Variants in PABPC4L observed in about 807,000 individuals in gnomAD.
PABPC4L encodes the protein poly(A) binding protein cytoplasmic 4 like.
For synonymous variants in PABPC4L, 169 were observed against 164.1 expected (o/e 1.03, Z -0.23); for missense variants, 452 against 451.4 (o/e 1.00, Z -0.01).
At chr4:134,044,184 G>C in the PABPC4L span, among the ~76,000 whole-genome samples, 2 of 151,884 alleles carry the variant, frequency 1.3e-5, no homozygotes, top group Non-Finnish European at 2.9e-5. Flanking sequence ...ACCTGCCTTG[G>C]GCCTCCCAAA....
the PABPC4L span, among the ~76,000 whole-genome samples, chr4:134,092,632 C>T: frequency 6.6e-6 from 1 of 151,996 alleles, no homozygotes; most frequent in African/African-American, 2.4e-5. Context: ...CTCTAGAGGT[C>T]ACGGTCAACC....
the PABPC4L span, among the ~76,000 whole-genome samples, chr4:134,133,237 T>C: frequency 2.2e-5 from 3 of 137,118 alleles, no homozygotes; most frequent in Non-Finnish European, 4.6e-5. Flanking sequence ...AGATATTTAA[T>C]ATTACATAAT....
chr4:134,171,990 C>A, the PABPC4L span, among the ~76,000 whole-genome samples: 1 of 151,694 alleles, frequency 6.6e-6, no homozygotes, highest in Non-Finnish European at 1.5e-5. Flanking sequence ...ATGAGAATTA[C>A]AAACCAGTGC....
At chr4:134,087,547 TGCTGCAGACCA>T in the PABPC4L span, among the ~76,000 whole-genome samples, 1 of 152,166 alleles carries the variant, frequency 6.6e-6, no homozygotes, top group African/African-American at 2.4e-5. Context: ...ACACCAGTTG[TGCTGCAGACCA>T]GTGCAATGCA....
chr4:134,045,902 T>G, the PABPC4L span, among the ~76,000 whole-genome samples: 1 of 152,188 alleles, frequency 6.6e-6, no homozygotes, highest in Non-Finnish European at 1.5e-5. Context: ...ATCAGAAACA[T>G]TAATGTAGTA....
chr4:134,197,062 T>G lies in PABPC4L; in HGVS notation c.*2845A>C, dbSNP rs1729681674. On this transcript the variant is annotated 3_prime_UTR_variant, in exon 2 of 2. Transcript: ENST00000421491. The stretch of plus-strand genomic sequence containing the variant: ...TCCTAAATTAAGATGTAGACTAGAT[T>G]ATCCAGAACAAGATGTCAAGGCCAG... The G allele has an allele frequency of 6.6e-6, 1 of 151,776 alleles. No homozygotes were observed. The highest frequency in any genetic ancestry group is 2.1e-4 in the South Asian group (1 of 4,838). The allele number at this position is 151,776 out of a possible 1,614,324, so 9.4% of individuals were successfully genotyped here. A position where few individuals can be genotyped will look rare whatever the true frequency, so the allele number is the denominator to read the frequency against.
chr4:134,094,410 T>G, the PABPC4L span, among the ~76,000 whole-genome samples: 1 of 151,908 alleles, frequency 6.6e-6, no homozygotes, highest in Non-Finnish European at 1.5e-5. Flanking sequence ...TAAAGACACT[T>G]TAGCTGTAGT....
At chr4:134,161,247 GAA>G in the PABPC4L span, among the ~76,000 whole-genome samples, 1 of 142,288 alleles carries the variant, frequency 7.0e-6, no homozygotes. Flanking sequence ...AGTCAGAGAA[GAA>G]AAAAAAAAGA....
the PABPC4L span, among the ~76,000 whole-genome samples, chr4:134,035,918 G>T: frequency 6.6e-6 from 1 of 151,612 alleles, no homozygotes; most frequent in African/African-American, 2.4e-5. Context: ...AAATTATATG[G>T]CCTTATAAAG....
Position 134,200,131 on chromosome 4 carries a change from T to C in PABPC4L, c.889A>G (p.Ile297Val). The C allele has an allele frequency of 6.4e-7, 1 of 1,551,704 alleles. No homozygotes were observed. Among genetic ancestry groups the C allele is most frequent in the Non-Finnish European group, 8.7e-7 (1 of 1,146,982 alleles). Reference sequence around the variant, plus strand: ...TCGATGGTGTCATCAAGGTTCTTAATATAGAGTTTTACCCCCTGGCACCCA... The same window carrying C: ...TCGATGGTGTCATCAAGGTTCTTAACATAGAGTTTTACCCCCTGGCACCCA... The part of the protein sequence containing the change: ...IRGCQGVKLY[I>V]KNLDDTIDDE... Residue 297 changes from isoleucine to valine, a missense_variant, in exon 2 of 2, where the codon ATT becomes GTT. Coordinates refer to ENST00000421491, the MANE Select transcript of PABPC4L (RefSeq NM_001114734.2).
the PABPC4L span, among the ~76,000 whole-genome samples, chr4:134,077,648 C>A: frequency 6.6e-6 from 1 of 152,084 alleles, no homozygotes; most frequent in Non-Finnish European, 1.5e-5. Flanking sequence ...CTCCTAAGGA[C>A]CAATCATAAG....
At chr4:134,128,986 T>C in the PABPC4L span, among the ~76,000 whole-genome samples, 1 of 152,040 alleles carries the variant, frequency 6.6e-6, no homozygotes, top group Non-Finnish European at 1.5e-5. Flanking sequence ...GGAAAAAATA[T>C]TCCACGCAAA....
the PABPC4L span, among the ~76,000 whole-genome samples, chr4:134,059,979 T>C: frequency 6.6e-6 from 1 of 152,206 alleles, no homozygotes; most frequent in East Asian, 1.9e-4. Context: ...CTGATGCCAC[T>C]CCCTCCCACA....
chr4:134,073,182 T>A, the PABPC4L span, among the ~76,000 whole-genome samples: 1 of 152,172 alleles, frequency 6.6e-6, no homozygotes, highest in African/African-American at 2.4e-5. Context: ...CCTATGAGGC[T>A]GTAAAATCAA....
the PABPC4L span, among the ~76,000 whole-genome samples, chr4:134,054,254 A>G: frequency 2.3e-3 from 17 of 7,366 alleles, 1 homozygote; most frequent in East Asian, 0.28. Flanking sequence ...TTGTATATGT[A>G]TATATATATA....
At chr4:134,112,349 A>C in the PABPC4L span, among the ~76,000 whole-genome samples, 1 of 151,956 alleles carries the variant, frequency 6.6e-6, no homozygotes, top group Non-Finnish European at 1.5e-5. Context: ...TTGTAAGAGT[A>C]ATATATTTTA....
chr4:134,045,239 A>C, the PABPC4L span, among the ~76,000 whole-genome samples: 1 of 152,152 alleles, frequency 6.6e-6, no homozygotes, highest in East Asian at 1.9e-4. Flanking sequence ...ATTAGTGAAG[A>C]TCTATTATAC....
the PABPC4L span, among the ~76,000 whole-genome samples, chr4:133,972,644 A>C: frequency 6.6e-6 from 1 of 152,208 alleles, no homozygotes; most frequent in Non-Finnish European, 1.5e-5. Context: ...ACAACAATTG[A>C]TAGGACTGCC....
At chr4:134,037,043 C>T in the PABPC4L span, among the ~76,000 whole-genome samples, 1 of 116,968 alleles carries the variant, frequency 8.5e-6, no homozygotes, top group Admixed American at 8.7e-5. Context: ...GGGACAAGAG[C>T]AAAACTCCAT....
Sources: allele counts gnomAD v4.1 joint callset (sites outside exome capture counted in the v4.1 genomes callset), GRCh38; gene constraint gnomAD v4.1.1; transcripts MANE v1.5; gene names NCBI Gene and HGNC (gene_info 2026-07-23, HGNC 2026-07-21).